The following ASIC2 variants were observed in gnomAD, a reference collection of about 807,000 sequenced individuals.
ASIC2 encodes acid sensing ion channel subunit 2, also known as acid-sensing ion channel 2.
ASIC2 carries 25 observed loss-of-function variants against 57.3 expected under a neutral mutation model. The ratio of observed to expected loss-of-function variants is 0.44; its 90% CI spans 0.32 to 0.61. The LOEUF (loss-of-function observed/expected upper bound fraction) is 0.61, where lower values mean the gene tolerates loss of function less well. ASIC2 is among the 20% of genes least tolerant of loss of function. ASIC2 has a pLI of 0.06. For synonymous variants in ASIC2, 319 were observed against 307.5 expected (o/e 1.04, Z -0.39); for missense variants, 641 against 738.1 (o/e 0.87, Z 1.52).
chr17:33,617,638 C>A (rs748921445), intron 1 of ASIC2, among the ~76,000 whole-genome samples: 18 of 152,122 alleles, frequency 1.2e-4, no homozygotes, highest in Non-Finnish European at 1.9e-4. Context: ...CACATGTACC[C>A]CGGACCTAAA....
chr17:33,541,201 G>T (rs920954986), intron 1 of ASIC2: 5 of 152,160 alleles, frequency 3.3e-5, no homozygotes, highest in Non-Finnish European at 7.3e-5. Flanking sequence ...AACATTGTTA[G>T]AGCTTGTAAA....
chr17:33,304,053 A>C (rs1049239337), intron 1 of ASIC2, among the ~76,000 whole-genome samples: 1 of 152,264 alleles, frequency 6.6e-6, no homozygotes, highest in Non-Finnish European at 1.5e-5. Flanking sequence ...AATAGAGGGA[A>C]AAAATAACAA....
chr17:34,124,341 C>T (rs1212608851), intron 1 of ASIC2, among the ~76,000 whole-genome samples: 1 of 152,174 alleles, frequency 6.6e-6, no homozygotes, highest in Non-Finnish European at 1.5e-5. Flanking sequence ...CACCACTGAC[C>T]TACACAATAG....
At chr17:33,058,381 A>G (rs1476464349) in intron 3 of ASIC2, among the ~76,000 whole-genome samples, 1 of 151,498 alleles carries the variant, frequency 6.6e-6, no homozygotes, top group African/African-American at 2.4e-5. Flanking sequence ...ATTTTTTAGC[A>G]AGCCAACTCT....
chr17:33,096,744 G>A (rs1471991801), intron 2 of ASIC2, among the ~76,000 whole-genome samples: 1 of 152,190 alleles, frequency 6.6e-6, no homozygotes, highest in Non-Finnish European at 1.5e-5. Context: ...GGAAAGGCCT[G>A]TTCAAGGTGA....
rs374909770 is a variant in ASIC2 at position 33,198,804 on chromosome 17, G to T, written c.709-86737C>A. Among the ~76,000 whole-genome samples, 14 of 152,298 alleles carry T rather than the reference G, an allele frequency of 9.2e-5. No homozygotes were observed. The East Asian group carries it at 2.3e-3, about 25-fold the overall frequency. ...CTTCAAATGTCACCATCCCAGCTAG[G>T]GTAAGATGCATGGGAGCTAAAATAC... On this transcript the variant is annotated intron_variant, in intron 1 of 9. Transcript: ENST00000225823.
chr17:33,247,045 A>G (rs924804272), intron 1 of ASIC2, among the ~76,000 whole-genome samples: 1 of 152,260 alleles, frequency 6.6e-6, no homozygotes, highest in Admixed American at 6.5e-5. Flanking sequence ...ATAAATGTTT[A>G]TCTACATTTC....
chr17:33,127,524 T>C (rs1418269539), intron 1 of ASIC2, among the ~76,000 whole-genome samples: 1 of 152,218 alleles, frequency 6.6e-6, no homozygotes, highest in African/African-American at 2.4e-5. Context: ...CTGGTGGTGC[T>C]GCCAATTAAT....
intron 3 of ASIC2, among the ~76,000 whole-genome samples, chr17:33,066,771 G>A (rs1453010396): frequency 3.9e-5 from 6 of 152,186 alleles, no homozygotes; most frequent in African/African-American, 1.4e-4. Context: ...GAGCTTTGAA[G>A]CAAAATAATT....
At chr17:33,224,816 C>A (rs1907821162) in intron 1 of ASIC2, among the ~76,000 whole-genome samples, 1 of 152,112 alleles carries the variant, frequency 6.6e-6, no homozygotes, top group Non-Finnish European at 1.5e-5. Context: ...ATCATGTTGC[C>A]CTATACCCAC....
chr17:33,463,617 C>A (rs1402179675), intron 1 of ASIC2, among the ~76,000 whole-genome samples: 1 of 152,180 alleles, frequency 6.6e-6, no homozygotes, highest in African/African-American at 2.4e-5. Flanking sequence ...TGCGTGAGCC[C>A]CAGCCCTTAT....
At chr17:33,346,690 G>A (rs1414449724) in intron 1 of ASIC2, among the ~76,000 whole-genome samples, 1 of 152,170 alleles carries the variant, frequency 6.6e-6, no homozygotes, top group Non-Finnish European at 1.5e-5. Flanking sequence ...AGAGATTAAA[G>A]CTGAAGATAT....
At chr17:33,238,776 C>T (rs933808798) in intron 1 of ASIC2, among the ~76,000 whole-genome samples, 2 of 152,176 alleles carry the variant, frequency 1.3e-5, no homozygotes, top group African/African-American at 4.8e-5. Flanking sequence ...TAGCTCATGC[C>T]TGTAATCACT....
At chr17:33,109,453 A>C (rs750013262) in intron 2 of ASIC2, among the ~76,000 whole-genome samples, 1 of 152,126 alleles carries the variant, frequency 6.6e-6, no homozygotes, top group Non-Finnish European at 1.5e-5. Context: ...CCCGTTCTTC[A>C]TACAGCCTGC....
At chr17:33,354,666 G>C (rs1908308931) in intron 1 of ASIC2, among the ~76,000 whole-genome samples, 1 of 151,962 alleles carries the variant, frequency 6.6e-6, no homozygotes, top group Admixed American at 6.6e-5. Flanking sequence ...TCTTTCTTCA[G>C]CTTTCCCAGG....
chr17:33,144,643 G>A (rs1370668052), intron 1 of ASIC2, among the ~76,000 whole-genome samples: 3 of 152,150 alleles, frequency 2.0e-5, no homozygotes, highest in African/African-American at 4.8e-5. Flanking sequence ...TAGGGTGACC[G>A]ATGCATAATT....
At chr17:34,019,521 G>A (rs534209939) in intron 1 of ASIC2, among the ~76,000 whole-genome samples, 8 of 152,304 alleles carry the variant, frequency 5.3e-5, no homozygotes, top group African/African-American at 9.6e-5. Flanking sequence ...TCAACACTGA[G>A]GCAAGACCCT....
intron 1 of ASIC2, chr17:34,155,720 G>A (rs1000626576): frequency 2.9e-5 from 14 of 481,558 alleles, no homozygotes; most frequent in African/African-American, 1.2e-4. Context: ...AACTGAGCAC[G>A]TCTGGGGAAG....
intron 1 of ASIC2, among the ~76,000 whole-genome samples, chr17:33,356,936 G>A (rs1016790374): frequency 6.6e-6 from 1 of 152,034 alleles, no homozygotes; most frequent in Non-Finnish European, 1.5e-5. Flanking sequence ...GGAAGGAAGC[G>A]GGACTTCTTT....
Sources: allele counts gnomAD v4.1 joint callset (sites outside exome capture counted in the v4.1 genomes callset), GRCh38; gene constraint gnomAD v4.1.1; transcripts MANE v1.5; gene names NCBI Gene and HGNC (gene_info 2026-07-23, HGNC 2026-07-21).